The following THSD4 variants were observed in gnomAD, a reference collection of about 807,000 sequenced individuals.
The protein encoded by THSD4 is thrombospondin type-1 domain-containing protein 4.
Under a neutral mutation model 119.0 loss-of-function variants are expected in THSD4, and 69 were observed. That is an observed-to-expected ratio of 0.58 (90% confidence interval 0.48 to 0.71). The LOEUF (loss-of-function observed/expected upper bound fraction) is 0.71, where lower values mean the gene tolerates loss of function less well. THSD4 is among the 30% of genes least tolerant of loss of function. THSD4 has a pLI of 0.00. For missense variants in THSD4, 1,393 were observed against 1,391.1 expected (o/e 1.00, Z -0.02); for synonymous variants, 524 against 540.4 (o/e 0.97, Z 0.42).
intron 7 of THSD4, among the ~76,000 whole-genome samples, chr15:71,523,459 T>G (rs1164277815): frequency 6.6e-6 from 1 of 152,266 alleles, no homozygotes; most frequent in Non-Finnish European, 1.5e-5. Flanking sequence ...TATGAGATCC[T>G]TAGTCACATC....
intron 6 of THSD4, among the ~76,000 whole-genome samples, chr15:71,361,371 T>C (rs2045889912): frequency 6.6e-6 from 1 of 152,200 alleles, no homozygotes; most frequent in African/African-American, 2.4e-5. Context: ...ATGCTTCACA[T>C]ACAGTTCTTA....
At chr15:71,106,728 T>C (rs764212877) in intron 1 of THSD4, among the ~76,000 whole-genome samples, 7 of 152,168 alleles carry the variant, frequency 4.6e-5, no homozygotes, top group Non-Finnish European at 7.4e-5. Context: ...GATTTGATGC[T>C]GTACATTCAA....
intron 7 of THSD4, among the ~76,000 whole-genome samples, chr15:71,602,634 C>T (rs373301461): frequency 1.9e-4 from 28 of 146,594 alleles, no homozygotes; most frequent in Middle Eastern, 3.7e-3. Context: ...GTAAATGTTA[C>T]GTTCAGTTTA....
chr15:71,278,173 C>T (rs937950360), intron 6 of THSD4, among the ~76,000 whole-genome samples: 4 of 152,114 alleles, frequency 2.6e-5, no homozygotes, highest in Admixed American at 6.6e-5. Context: ...CTGCTAGAAG[C>T]CAACAGAATT....
In THSD4 at chr15:71,618,972, C is replaced by CT. The variant is rs1035821802; in HGVS notation, c.1153-41548dup. On this transcript the variant is annotated intron_variant, in intron 7 of 17. Coordinates refer to ENST00000261862, the MANE Select transcript of THSD4 (RefSeq NM_024817.3). ...TTAATTTGGTGGATACTTGAATATT[C>CT]TTTTTTTTTTCTTTTTTTTTGAGTT... Among the ~76,000 whole-genome samples, 83 of 146,654 alleles carry CT rather than the reference C, an allele frequency of 5.7e-4. 1 individual carries two copies. Among genetic ancestry groups the CT allele is most frequent in the South Asian group, 1.5e-3 (7 of 4,538 alleles).
chr15:71,143,521 C>T (rs938572181), intron 2 of THSD4, among the ~76,000 whole-genome samples: 2 of 151,852 alleles, frequency 1.3e-5, no homozygotes, highest in African/African-American at 4.8e-5. Context: ...AAGGTAGGTT[C>T]GCCATGTGCT....
chr15:71,411,529 A>G (rs369556324), intron 6 of THSD4, among the ~76,000 whole-genome samples, 158 bp from the exon 7 acceptor site: 31 of 152,314 alleles, frequency 2.0e-4, no homozygotes, highest in Admixed American at 9.8e-4. Flanking sequence ...GAATATACGA[A>G]GACTTATTGA....
intron 6 of THSD4, among the ~76,000 whole-genome samples, chr15:71,285,078 A>G (rs1350085349): frequency 6.6e-6 from 1 of 152,146 alleles, no homozygotes; most frequent in African/African-American, 2.4e-5. Flanking sequence ...GCTATTCTCA[A>G]TTTTAACCAT....
intron 8 of THSD4, among the ~76,000 whole-genome samples, chr15:71,695,256 A>G (rs2052139026): frequency 6.6e-6 from 1 of 152,148 alleles, no homozygotes. Flanking sequence ...ATTCTGGTTT[A>G]ACCTGGCCCA....
chr15:71,646,110 C>T (rs2050963869), intron 7 of THSD4, among the ~76,000 whole-genome samples: 1 of 152,232 alleles, frequency 6.6e-6, no homozygotes, highest in Admixed American at 6.5e-5. Flanking sequence ...CAGATCCTAG[C>T]ACTTGGCTGT....
chr15:71,509,717 A>G (rs537122164), intron 7 of THSD4, among the ~76,000 whole-genome samples: 1 of 152,320 alleles, frequency 6.6e-6, no homozygotes, highest in Non-Finnish European at 1.5e-5. Flanking sequence ...AAATTAATAA[A>G]GAACCTCAAA....
chr15:71,558,620 C>T (rs1047799435), intron 7 of THSD4, among the ~76,000 whole-genome samples: 1 of 152,044 alleles, frequency 6.6e-6, no homozygotes, highest in African/African-American at 2.4e-5. Flanking sequence ...AGATGCATGC[C>T]ACCACATCTG....
chr15:71,374,442 A>C (rs1185894151), intron 6 of THSD4, among the ~76,000 whole-genome samples: 1 of 152,216 alleles, frequency 6.6e-6, no homozygotes, highest in East Asian at 1.9e-4. Flanking sequence ...AGCTAACCAC[A>C]TGCTATATAT....
intron 7 of THSD4, among the ~76,000 whole-genome samples, chr15:71,513,285 C>G (rs1280458821): frequency 6.6e-6 from 1 of 152,198 alleles, no homozygotes; most frequent in South Asian, 2.1e-4. Flanking sequence ...CAAAGCAGTC[C>G]TTAAGTTTCA....
chr15:71,111,810 G>C, upstream of THSD4: 3 of 525,646 alleles, frequency 5.7e-6, no homozygotes, highest in Non-Finnish European at 1.0e-5. Flanking sequence ...GCACAGTTAG[G>C]ATGAAAACAC....
chr15:71,636,909 A>G (rs1205464462), intron 7 of THSD4, among the ~76,000 whole-genome samples: 2 of 151,442 alleles, frequency 1.3e-5, no homozygotes, highest in Non-Finnish European at 2.9e-5. Context: ...TTTTGAGACA[A>G]GGTCTCACTC....
At chr15:71,327,640 C>CA (rs2045363427) in intron 6 of THSD4, among the ~76,000 whole-genome samples, 1 of 152,006 alleles carries the variant, frequency 6.6e-6, no homozygotes, top group Non-Finnish European at 1.5e-5. Context: ...TGTCACCCCC[C>CA]ACCCACTGTG....
chr15:71,550,276 G>A (rs541031393), intron 7 of THSD4, among the ~76,000 whole-genome samples: 13 of 152,314 alleles, frequency 8.5e-5, no homozygotes, highest in Non-Finnish European at 1.5e-4. Flanking sequence ...GGAATGGGAG[G>A]CTTGCATTTT....
At chr15:71,136,899 G>T (rs1468353976) in intron 1 of THSD4, among the ~76,000 whole-genome samples, 1 of 152,102 alleles carries the variant, frequency 6.6e-6, no homozygotes, top group East Asian at 1.9e-4. Context: ...GCATCCCTTC[G>T]GCTCAGGGAA....
Sources: gnomAD v4.1 joint callset for allele counts (sites outside exome capture counted in the v4.1 genomes callset) on GRCh38, gnomAD v4.1.1 for gene constraint, MANE v1.5 for transcripts, NCBI Gene and HGNC (gene_info 2026-07-23, HGNC 2026-07-21) for gene names.